PLCZ1: variants seen among roughly 807,000 people sequenced by gnomAD.
PLCZ1 encodes the protein phospholipase C zeta 1.
Under a neutral mutation model 76.8 loss-of-function variants are expected in PLCZ1, and 64 were observed. The observed-to-expected ratio is 0.83, with a 90% CI of 0.68 to 1.03. The LOEUF (loss-of-function observed/expected upper bound fraction) is 1.03. PLCZ1 is among the 50% of genes least tolerant of loss of function. The probability of loss-of-function intolerance (pLI) is 0.00; values close to 1 mark genes in which losing one functional copy is unlikely to be tolerated. For synonymous variants in PLCZ1, 248 were observed against 230.8 expected (o/e 1.07, Z -0.68); for missense variants, 751 against 713.7 (o/e 1.05, Z -0.60).
In PLCZ1 at chr12:18,701,491, A is replaced by G; in HGVS notation, c.1017+10T>C. On this transcript the variant is annotated intron_variant, in intron 9 of 14. Transcript: ENST00000266505. ...ATCACTTGTAAGATTTTCACAAAACACCACCTCACCTTCTTTTTCTTGAAA... is the reference window on the plus strand; with the variant it reads ...ATCACTTGTAAGATTTTCACAAAACGCCACCTCACCTTCTTTTTCTTGAAA... 6.2e-7 allele frequency: 1 copy of G among 1,614,058 alleles called. No homozygotes were observed. Among genetic ancestry groups the G allele is most frequent in the African/African-American group, 1.3e-5 (1 of 75,042 alleles).
the PLCZ1 span, among the ~76,000 whole-genome samples, chr12:18,659,794 A>G: frequency 6.6e-6 from 1 of 151,292 alleles, no homozygotes; most frequent in Non-Finnish European, 1.5e-5. Context: ...ATTTAGCATT[A>G]TGTATATCAC....
At chr12:18,686,957 A>C (rs1342232790) in intron 13 of PLCZ1, among the ~76,000 whole-genome samples, 1 of 152,066 alleles carries the variant, frequency 6.6e-6, no homozygotes, top group Non-Finnish European at 1.5e-5. Flanking sequence ...TGCATTGAAT[A>C]AATTAAGTTT....
chr12:18,687,661 C>G (rs1213102255), intron 13 of PLCZ1, among the ~76,000 whole-genome samples: 1 of 152,038 alleles, frequency 6.6e-6, no homozygotes, highest in Non-Finnish European at 1.5e-5. Context: ...TAGCCTGATT[C>G]AGAAGCCATA....
Position 18,684,154 on chromosome 12 carries a change from A to G in PLCZ1, c.1717T>C (p.Leu573=). 1.2e-6 allele frequency: 2 copies of G among 1,611,934 alleles called. No homozygotes were observed. The highest frequency in any genetic ancestry group is 1.7e-6 in the Non-Finnish European group (2 of 1,178,728). ...CCTTTGTTCATGCATAGAAGTGGCA[A>G]AGTATATTGCCCAAGAAATTCATTT... is the stretch of plus-strand genomic sequence containing the variant. ...AGNEFLGQYT[L]PLLCMNKGYR... The change falls in exon 14 of 15, where the codon TTG becomes CTG. Residue 573 remains leucine (L), a synonymous_variant. Coordinates refer to ENST00000266505, the MANE Select transcript of PLCZ1 (RefSeq NM_033123.4).
chr12:18,676,052 T>C, the PLCZ1 span, among the ~76,000 whole-genome samples: 1 of 152,014 alleles, frequency 6.6e-6, no homozygotes, highest in African/African-American at 2.4e-5. Context: ...AATTATACCA[T>C]CAACACGAGT....
the PLCZ1 span, among the ~76,000 whole-genome samples, chr12:18,659,663 C>CTTTTTTTTTTTTTT: frequency 3.0e-5 from 4 of 133,764 alleles, no homozygotes; most frequent in Non-Finnish European, 3.2e-5. Context: ...GTTCTCCATT[C>CTTTTTTTTTTTTTT]TTTTTTTTTT....
chr12:18,683,464 T>C, intron 14 of PLCZ1, 140 bp from the exon 15 acceptor site: 3 of 1,455,226 alleles, frequency 2.1e-6, no homozygotes, highest in Non-Finnish European at 2.8e-6. Flanking sequence ...ATCTGGTATA[T>C]TAATCTTCCA....
chr12:18,735,948 T>A (rs1434669725), intron 3 of PLCZ1: 1 of 290,532 alleles, frequency 3.4e-6, no homozygotes, highest in Admixed American at 4.9e-5. Context: ...GTTACCATTA[T>A]CAGTCTGATA....
At chr12:18,700,009 T>A in intron 9 of PLCZ1, 59 bp from the exon 10 acceptor site, 2 of 1,463,508 alleles carry the variant, frequency 1.4e-6, no homozygotes, top group East Asian at 2.3e-5. Context: ...AAAAAAATTT[T>A]TTCTAGTAAA....
intron 12 of PLCZ1, among the ~76,000 whole-genome samples, chr12:18,694,468 TG>T (rs1954642910): frequency 6.6e-6 from 1 of 152,038 alleles, no homozygotes; most frequent in Admixed American, 6.6e-5. Flanking sequence ...CACAGACATA[TG>T]GGGGGAAGAA....
chr12:18,663,453 A>G, the PLCZ1 span, among the ~76,000 whole-genome samples: 2 of 152,144 alleles, frequency 1.3e-5, no homozygotes, highest in Non-Finnish European at 2.9e-5. Context: ...TTTAAACTAC[A>G]TAGGAGGATA....
intron 7 of PLCZ1, among the ~76,000 whole-genome samples, chr12:18,704,717 T>C (rs1412362712): frequency 6.6e-6 from 1 of 152,096 alleles, no homozygotes; most frequent in East Asian, 1.9e-4. Flanking sequence ...AATACTTCAG[T>C]ATGCTCAAAT....
the PLCZ1 span, among the ~76,000 whole-genome samples, chr12:18,663,431 A>ATGTT: frequency 1.3e-5 from 2 of 152,156 alleles, no homozygotes; most frequent in Non-Finnish European, 2.9e-5. Flanking sequence ...AGCATAGGTA[A>ATGTT]TGTAGAGATT....
chr12:18,655,847 C>A, the PLCZ1 span, among the ~76,000 whole-genome samples: 2 of 151,486 alleles, frequency 1.3e-5, no homozygotes, highest in African/African-American at 4.9e-5. Context: ...TCATAAAAAG[C>A]AAAGAATGCC....
intron 12 of PLCZ1, chr12:18,693,340 G>C: frequency 6.4e-7 from 1 of 1,569,896 alleles, no homozygotes; most frequent in Non-Finnish European, 8.8e-7. Flanking sequence ...GCAGATACTG[G>C]GGGGTTGGAC....
chr12:18,735,337 T>C (rs1959194315), intron 3 of PLCZ1, among the ~76,000 whole-genome samples: 1 of 152,202 alleles, frequency 6.6e-6, no homozygotes, highest in African/African-American at 2.4e-5. Flanking sequence ...TTAATTCTTC[T>C]TTAAATCTTT....
chr12:18,716,516 T>C (rs1052313381), intron 5 of PLCZ1, among the ~76,000 whole-genome samples: 1 of 152,192 alleles, frequency 6.6e-6, no homozygotes, highest in Non-Finnish European at 1.5e-5. Flanking sequence ...CTATTTAACT[T>C]TGAGCCTTTT....
At chr12:18,666,054 T>C in the PLCZ1 span, among the ~76,000 whole-genome samples, 1 of 151,944 alleles carries the variant, frequency 6.6e-6, no homozygotes, top group Non-Finnish European at 1.5e-5. Flanking sequence ...TAAATTAAGA[T>C]ATTAATGGTA....
Position 18,723,550 on chromosome 12 carries a change from A to G in PLCZ1, c.136-8T>C. ...TTTCAGCCTGTCATTGTCCTACTAA[A>G]AAAATGACTGGTGGGCTCACATTGT... is the stretch of plus-strand genomic sequence containing the variant. On this transcript the variant is annotated splice_region_variant and splice_polypyrimidine_tract_variant and intron_variant, in intron 3 of 14. Transcript: ENST00000266505. The G allele has an allele frequency of 6.2e-7, 1 of 1,601,252 alleles. No homozygotes were observed. The highest frequency in any genetic ancestry group is 8.5e-7 in the Non-Finnish European group (1 of 1,169,912).
Sources: allele counts gnomAD v4.1 joint callset (sites outside exome capture counted in the v4.1 genomes callset), GRCh38; gene constraint gnomAD v4.1.1; transcripts MANE v1.5; gene names NCBI Gene and HGNC (gene_info 2026-07-23, HGNC 2026-07-21).